The following PCSK5 variants were observed in gnomAD, a reference collection of about 807,000 sequenced individuals.
PCSK5 encodes prohormone convertase 5.
Under a neutral mutation model 233.2 loss-of-function variants are expected in PCSK5, and 129 were observed. The ratio of observed to expected loss-of-function variants is 0.55; its 90% CI spans 0.48 to 0.64. The LOEUF (loss-of-function observed/expected upper bound fraction) is 0.64. Ranked by LOEUF, PCSK5 falls within the 30% of genes least tolerant of loss-of-function variation. The pLI, the probability that PCSK5 is intolerant of heterozygous loss-of-function variation, is 0.00. For synonymous variants in PCSK5, 825 were observed against 879.2 expected, an observed-to-expected ratio of 0.94 and a Z score of 1.09; for missense variants, 2,076 against 2,430.1, an observed-to-expected ratio of 0.85 and a Z score of 3.06.
chr9:76,349,697 T>TA (rs1216895934), intron 35 of PCSK5, among the ~76,000 whole-genome samples: 2 of 152,206 alleles, frequency 1.3e-5, no homozygotes, highest in Non-Finnish European at 2.9e-5. Context: ...AGTTCCAACT[T>TA]ACAATACCAG....
intron 7 of PCSK5, among the ~76,000 whole-genome samples, chr9:76,081,173 G>C (rs1217077211): frequency 6.6e-6 from 1 of 152,134 alleles, no homozygotes. Context: ...GCATATTAAG[G>C]CTGGGTGTGG....
At chr9:76,055,579 A>G (rs1473967781) in intron 5 of PCSK5, among the ~76,000 whole-genome samples, 1 of 152,156 alleles carries the variant, frequency 6.6e-6, no homozygotes, top group Non-Finnish European at 1.5e-5. Context: ...TCAGTAAAAT[A>G]TACTATCAAA....
intron 10 of PCSK5, among the ~76,000 whole-genome samples, chr9:76,151,284 G>A (rs1823662905): frequency 1.3e-5 from 2 of 152,138 alleles, no homozygotes; most frequent in Non-Finnish European, 2.9e-5. Flanking sequence ...TTTCTACCCA[G>A]CCCACAGATC....
intron 33 of PCSK5, among the ~76,000 whole-genome samples, chr9:76,330,000 T>C (rs1829480944): frequency 6.6e-6 from 1 of 152,124 alleles, no homozygotes; most frequent in South Asian, 2.1e-4. Context: ...TCCACATGCC[T>C]TTCCTCGGTG....
intron 2 of PCSK5, among the ~76,000 whole-genome samples, chr9:75,937,325 T>G (rs1458326255): frequency 6.6e-6 from 1 of 151,992 alleles, no homozygotes; most frequent in African/African-American, 2.4e-5. Flanking sequence ...ATTACAGGCA[T>G]CTGCCACTAT....
chr9:76,234,182 G>A (rs1291653106), intron 22 of PCSK5, among the ~76,000 whole-genome samples: 1 of 151,964 alleles, frequency 6.6e-6, no homozygotes, highest in Non-Finnish European at 1.5e-5. Flanking sequence ...GACCTCATGT[G>A]GGCCAGATTC....
In PCSK5 at chr9:76,122,009, G is replaced by C. The variant is rs1175568103; in HGVS notation, c.1209-12100G>C. ...CGGCTAATTTTTTGTATTTTTAGTA[G>C]AGACGGGGTTTCACCGTTTTAGCCG... On this transcript the variant is annotated intron_variant, in intron 9 of 37. Coordinates refer to ENST00000674117, the MANE Select transcript of PCSK5 (RefSeq NM_001372043.1). Among the ~76,000 whole-genome samples the C allele has an allele frequency of 2.7e-5, 2 of 74,758 alleles. 1 individual carries two copies. Among genetic ancestry groups the C allele is most frequent in the Non-Finnish European group, 6.4e-5 (2 of 31,406 alleles). 49.0% of individuals were successfully genotyped at this position (74,758 alleles called of 152,430 possible).
intron 3 of PCSK5, among the ~76,000 whole-genome samples, chr9:76,018,979 T>G (rs1828070453): frequency 6.6e-6 from 1 of 152,212 alleles, no homozygotes; most frequent in Non-Finnish European, 1.5e-5. Flanking sequence ...CTTTCTGTTT[T>G]AGTTTTAACA....
chr9:76,349,624 C>A (rs1344329812), intron 35 of PCSK5, among the ~76,000 whole-genome samples: 1 of 152,170 alleles, frequency 6.6e-6, no homozygotes, highest in Non-Finnish European at 1.5e-5. Flanking sequence ...ACAGATCCAT[C>A]GTTCTATTTC....
At chr9:76,331,795 C>T (rs908254164) in intron 33 of PCSK5, among the ~76,000 whole-genome samples, 1 of 152,084 alleles carries the variant, frequency 6.6e-6, no homozygotes, top group Non-Finnish European at 1.5e-5. Flanking sequence ...GGCCATGAGC[C>T]AAGGCATGCA....
intron 5 of PCSK5, among the ~76,000 whole-genome samples, chr9:76,065,644 G>A (rs1830260304): frequency 6.6e-6 from 1 of 152,066 alleles, no homozygotes; most frequent in African/African-American, 2.4e-5. Flanking sequence ...TTTGCAGAAG[G>A]TTTTTAGCTT....
intron 24 of PCSK5, among the ~76,000 whole-genome samples, chr9:76,255,955 G>A (rs1453164720): frequency 1.3e-5 from 2 of 152,190 alleles, no homozygotes; most frequent in South Asian, 4.1e-4. Flanking sequence ...TTCAGACTTA[G>A]GACTGTCTGG....
intron 31 of PCSK5, 50 bp downstream of exon 31, chr9:76,321,689 TG>T: frequency 8.2e-7 from 1 of 1,216,794 alleles, no homozygotes; most frequent in Non-Finnish European, 1.2e-6. Context: ...AGCCACCAGT[TG>T]GGGGCCGATT....
chr9:76,303,993 GA>G (rs780862674), intron 28 of PCSK5, among the ~76,000 whole-genome samples: 1 of 152,128 alleles, frequency 6.6e-6, no homozygotes, highest in Admixed American at 6.6e-5. Context: ...GCAAAATGGT[GA>G]AACCCCATCT....
chr9:75,953,216 C>T (rs147030500), intron 2 of PCSK5, among the ~76,000 whole-genome samples: 2 of 152,194 alleles, frequency 1.3e-5, no homozygotes, highest in African/African-American at 4.8e-5. Flanking sequence ...TTTCCAGTCT[C>T]ATCTGGGAAG....
At chr9:76,235,456 C>T (rs1826224028) in intron 22 of PCSK5, among the ~76,000 whole-genome samples, 1 of 152,154 alleles carries the variant, frequency 6.6e-6, no homozygotes, top group South Asian at 2.1e-4. Flanking sequence ...ACCAATCTAC[C>T]TATAAATGCA....
chr9:76,168,614 G>A (rs12552341), intron 12 of PCSK5, among the ~76,000 whole-genome samples: 12,146 of 152,112 alleles, frequency 0.08, 697 homozygotes, highest in East Asian at 0.25. Flanking sequence ...TGCAAATTCG[G>A]AGCTTTGGAA....
At chr9:76,228,529 G>A (rs1225854756) in intron 21 of PCSK5, among the ~76,000 whole-genome samples, 1 of 152,206 alleles carries the variant, frequency 6.6e-6, no homozygotes, top group African/African-American at 2.4e-5. Context: ...AGTAATGTTT[G>A]CTAACTGAGT....
chr9:76,098,275 T>C (rs1293091205), intron 8 of PCSK5, among the ~76,000 whole-genome samples: 1 of 152,172 alleles, frequency 6.6e-6, no homozygotes, highest in African/African-American at 2.4e-5. Context: ...CACCTGTCAG[T>C]ACCTCCAACA....
Sources: gnomAD v4.1 joint callset for allele counts (sites outside exome capture counted in the v4.1 genomes callset) on GRCh38, gnomAD v4.1.1 for gene constraint, MANE v1.5 for transcripts, NCBI Gene and HGNC (gene_info 2026-07-23, HGNC 2026-07-21) for gene names.